CNTNAP2: variants seen among roughly 807,000 people sequenced by gnomAD.
CNTNAP2 encodes contactin-associated protein-like 2.
In CNTNAP2, 98 loss-of-function variants were observed where a neutral mutation model predicts 155.2. That is an observed-to-expected ratio of 0.63 (90% confidence interval 0.54 to 0.75). The LOEUF is 0.75. CNTNAP2 is among the 30% of genes least tolerant of loss of function. CNTNAP2 has a pLI of 0.00. For missense variants in CNTNAP2, 1,727 were observed against 1,688.1 expected, an observed-to-expected ratio of 1.02 and a Z score of -0.40; for synonymous variants, 651 against 631.2, an observed-to-expected ratio of 1.03 and a Z score of -0.47.
At chr7:148,318,499 A>G (rs1797731257) in intron 21 of CNTNAP2, among the ~76,000 whole-genome samples, 1 of 152,170 alleles carries the variant, frequency 6.6e-6, no homozygotes, top group Admixed American at 6.5e-5. Flanking sequence ...GGTATGAGTC[A>G]GATTGATTGT....
chr7:147,990,362 G>A lies in CNTNAP2; in HGVS notation c.2383+12373G>A, dbSNP rs112253144. On this transcript the variant is annotated intron_variant, in intron 15 of 23. Coordinates refer to ENST00000361727, the MANE Select transcript of CNTNAP2 (RefSeq NM_014141.6). ...TAAGAGGGGCTTCTGGCTGATTTCAGTCAAGAGCACTCTCTCTTACAGACT... is the reference window on the plus strand; with the variant it reads ...TAAGAGGGGCTTCTGGCTGATTTCAATCAAGAGCACTCTCTCTTACAGACT... 8.2e-3 allele frequency among the ~76,000 whole-genome samples: 1,248 copies of A among 152,306 alleles called. 18 individuals carry two copies. The highest frequency in any genetic ancestry group is 0.029 in the African/African-American group (1,188 of 41,562).
chr7:147,064,927 G>A (rs1799750560), intron 4 of CNTNAP2, among the ~76,000 whole-genome samples: 1 of 152,116 alleles, frequency 6.6e-6, no homozygotes, highest in Non-Finnish European at 1.5e-5. Context: ...TATGAAATAA[G>A]CTGATGAAAG....
At chr7:148,042,330 C>T (rs1376003651) in intron 15 of CNTNAP2, among the ~76,000 whole-genome samples, 1 of 152,166 alleles carries the variant, frequency 6.6e-6, no homozygotes, top group African/African-American at 2.4e-5. Flanking sequence ...TGTATCAAAA[C>T]AGAGAGTAGG....
chr7:147,680,116 AT>A lies in CNTNAP2; in HGVS notation c.2098+40814del, dbSNP rs1584896106. ...TCAAATAGCAAAGGGCAATATGGATATTTTATTAGACTTGCACAGATCAGAA... is the reference window on the plus strand; with the variant it reads ...TCAAATAGCAAAGGGCAATATGGATATTTATTAGACTTGCACAGATCAGAA... On this transcript the variant is annotated intron_variant, in intron 13 of 23. Transcript: ENST00000361727. Among the ~76,000 whole-genome samples the A allele has an allele frequency of 2.0e-5, 3 of 151,992 alleles. No homozygotes were observed. The East Asian group carries it at 5.8e-4, about 30-fold the overall frequency.
intron 1 of CNTNAP2, among the ~76,000 whole-genome samples, chr7:146,753,333 T>C (rs1801938265): frequency 6.6e-6 from 1 of 152,088 alleles, no homozygotes; most frequent in Admixed American, 6.6e-5. Context: ...AAGAAACATA[T>C]TATTGATCTT....
chr7:148,153,405 GAC>G (rs1805342534), intron 17 of CNTNAP2, among the ~76,000 whole-genome samples: 1 of 152,156 alleles, frequency 6.6e-6, no homozygotes. Context: ...AAAACTAAGA[GAC>G]ACAGAAAGAA....
At chr7:146,803,620 A>G (rs1369434252) in intron 2 of CNTNAP2, among the ~76,000 whole-genome samples, 2 of 152,204 alleles carry the variant, frequency 1.3e-5, no homozygotes, top group Non-Finnish European at 2.9e-5. Flanking sequence ...TGTGCCAGGA[A>G]TTAGTCTAGC....
At chr7:147,920,966 C>T (rs186313265) in intron 14 of CNTNAP2, among the ~76,000 whole-genome samples, 2,765 of 151,926 alleles carry the variant, frequency 0.018, 44 homozygotes, top group South Asian at 0.03. Flanking sequence ...CCCGCCACCA[C>T]GCCCAGCTAA....
Position 147,941,160 on chromosome 7 carries a change from T to C in CNTNAP2, c.2256-36702T>C, listed in dbSNP as rs1197299522. On this transcript the variant is annotated intron_variant, in intron 14 of 23. Coordinates refer to ENST00000361727, the MANE Select transcript of CNTNAP2 (RefSeq NM_014141.6). ...GCAAAAGGGTTTCCCAAAGAAGCAC[T>C]GTGCCCCGGAGACTGGAAGGAGAAT... Among the ~76,000 whole-genome samples, 52 of 152,174 alleles carry C rather than the reference T, an allele frequency of 3.4e-4. 1 individual carries two copies. The highest frequency in any genetic ancestry group is 3.3e-3 in the Admixed American group (51 of 15,286).
At chr7:146,128,085 C>T (rs1007391740) in intron 1 of CNTNAP2, among the ~76,000 whole-genome samples, 6 of 152,126 alleles carry the variant, frequency 3.9e-5, no homozygotes, top group African/African-American at 1.4e-4. Context: ...ATTTTATATT[C>T]TTCACAATGA....
chr7:147,504,499 G>A (rs975241294), intron 11 of CNTNAP2, among the ~76,000 whole-genome samples: 2 of 151,824 alleles, frequency 1.3e-5, no homozygotes, highest in Admixed American at 6.6e-5. Context: ...GACCAGCCTC[G>A]CCAACATGGT....
At chr7:147,116,966 T>A (rs1036284959) in intron 5 of CNTNAP2, among the ~76,000 whole-genome samples, 1 of 152,188 alleles carries the variant, frequency 6.6e-6, no homozygotes, top group Non-Finnish European at 1.5e-5. Flanking sequence ...AGATGGTGTC[T>A]GTACCTCTCC....
At chr7:147,689,635 A>G (rs761084575) in intron 13 of CNTNAP2, among the ~76,000 whole-genome samples, 7 of 152,168 alleles carry the variant, frequency 4.6e-5, no homozygotes, top group Non-Finnish European at 5.9e-5. Context: ...TTTGTGCTAA[A>G]CATTTCATTG....
chr7:147,470,606 G>A (rs1391700015), intron 10 of CNTNAP2, among the ~76,000 whole-genome samples: 1 of 152,096 alleles, frequency 6.6e-6, no homozygotes, highest in Non-Finnish European at 1.5e-5. Context: ...CAGTAGAGAT[G>A]GTAAGATTTT....
chr7:146,856,516 G>A (rs542007603), intron 3 of CNTNAP2, among the ~76,000 whole-genome samples: 1 of 152,258 alleles, frequency 6.6e-6, no homozygotes, highest in East Asian at 1.9e-4. Flanking sequence ...GGTAATAAAA[G>A]TAGAGGATAC....
chr7:146,197,363 C>G (rs1468171958), intron 1 of CNTNAP2, among the ~76,000 whole-genome samples: 1 of 152,118 alleles, frequency 6.6e-6, no homozygotes, highest in Non-Finnish European at 1.5e-5. Context: ...AAACAGCTTA[C>G]TATGAAGATT....
chr7:146,610,722 A>G (rs890203668), intron 1 of CNTNAP2, among the ~76,000 whole-genome samples: 1 of 152,116 alleles, frequency 6.6e-6, no homozygotes, highest in Admixed American at 6.6e-5. Flanking sequence ...TAAACATGTA[A>G]TCTGGTCTCT....
chr7:147,858,378 C>T (rs545348404), intron 13 of CNTNAP2, among the ~76,000 whole-genome samples: 29 of 152,336 alleles, frequency 1.9e-4, no homozygotes, highest in African/African-American at 5.8e-4. Flanking sequence ...TAAGCCACTG[C>T]GCCCGGCCTA....
intron 1 of CNTNAP2, among the ~76,000 whole-genome samples, chr7:146,513,757 TG>T (rs372039632): frequency 1.4e-3 from 213 of 152,144 alleles, no homozygotes; most frequent in African/African-American, 4.8e-3. Context: ...TGAATTTGTC[TG>T]TGTACTTACT....
Sources: gnomAD v4.1 joint callset for allele counts (sites outside exome capture counted in the v4.1 genomes callset) on GRCh38, gnomAD v4.1.1 for gene constraint, MANE v1.5 for transcripts, NCBI Gene and HGNC (gene_info 2026-07-23, HGNC 2026-07-21) for gene names.